The following SLC44A1 variants were observed in gnomAD, a reference collection of about 807,000 sequenced individuals.
SLC44A1 encodes the protein choline transporter-like protein 1.
SLC44A1 carries 26 observed loss-of-function variants against 79.3 expected under a neutral mutation model. That is an observed-to-expected ratio of 0.33 (90% confidence interval 0.24 to 0.46). SLC44A1 has a LOEUF of 0.46. SLC44A1 is among the 20% of genes least tolerant of loss of function. SLC44A1 has a pLI of 1.00. For missense variants in SLC44A1, 688 were observed against 798.1 expected (o/e 0.86, Z 1.66); for synonymous variants, 263 against 286.2 (o/e 0.92, Z 0.82).
At chr9:105,346,140 C>T (rs934125979) in intron 4 of SLC44A1, among the ~76,000 whole-genome samples, 2 of 152,084 alleles carry the variant, frequency 1.3e-5, no homozygotes, top group East Asian at 1.9e-4. Context: ...TTCATCAACC[C>T]TTTGAGCAGG....
chr9:105,276,438 C>T (rs1830202832), intron 1 of SLC44A1, among the ~76,000 whole-genome samples: 1 of 151,956 alleles, frequency 6.6e-6, no homozygotes, highest in African/African-American at 2.4e-5. Context: ...GGGGATACAG[C>T]AAAGAACACC....
intron 3 of SLC44A1, among the ~76,000 whole-genome samples, chr9:105,315,712 T>A (rs1485246817): frequency 6.6e-6 from 1 of 152,208 alleles, no homozygotes; most frequent in East Asian, 1.9e-4. Context: ...TTACTGAATC[T>A]TATCGACTGT....
At chr9:105,245,577 G>A (rs1829419997) in intron 1 of SLC44A1, among the ~76,000 whole-genome samples, 2 of 152,212 alleles carry the variant, frequency 1.3e-5, no homozygotes, top group Admixed American at 1.3e-4. Flanking sequence ...GGAGGCCCCT[G>A]CGGGAGCGCC....
In SLC44A1 at chr9:105,396,607, G is replaced by C. The variant is rs1828879819; in HGVS notation, c.*7551G>C. ...AGTGTCAAGCCCAGCCCAGCATATG[G>C]GGTGATATGAGCAGAAAACACACAT... On this transcript the variant is annotated 3_prime_UTR_variant, in exon 16 of 16. Transcript: ENST00000374720. The C allele has an allele frequency of 1.0e-6, 1 of 985,428 alleles. No individual in the cohort carries two copies. Among genetic ancestry groups the C allele is most frequent in the East Asian group, 1.1e-4 (1 of 8,806 alleles). The allele number at this position is 985,428 out of a possible 1,614,324, so 61.0% of individuals were successfully genotyped here. A position where few individuals can be genotyped will look rare whatever the true frequency, so the allele number is the denominator to read the frequency against.
intron 13 of SLC44A1, among the ~76,000 whole-genome samples, chr9:105,376,821 T>C (rs530779277): frequency 6.6e-6 from 1 of 152,344 alleles, no homozygotes; most frequent in African/African-American, 2.4e-5. Context: ...AAGTGTTACA[T>C]TTGGTCCTCC....
At chr9:105,360,204 A>T (rs1279727944) in intron 7 of SLC44A1, among the ~76,000 whole-genome samples, 1 of 152,166 alleles carries the variant, frequency 6.6e-6, no homozygotes, top group Non-Finnish European at 1.5e-5. Flanking sequence ...TTCCTTAGAT[A>T]GTGTCATAGA....
At chr9:105,410,858 A>G (rs546091474) in intron 15 of SLC44A1, among the ~76,000 whole-genome samples, 1 of 152,248 alleles carries the variant, frequency 6.6e-6, no homozygotes, top group Non-Finnish European at 1.5e-5. Context: ...AGCTGTAAAA[A>G]GAAATGAGGT....
chr9:105,258,749 G>A (rs327996), intron 1 of SLC44A1, among the ~76,000 whole-genome samples: 19,924 of 152,082 alleles, frequency 0.13, 1,664 homozygotes, highest in African/African-American at 0.23. Flanking sequence ...GTGCAGCGGC[G>A]CAGTCTTGGC....
chr9:105,387,466 G>A (rs531572661), intron 15 of SLC44A1, among the ~76,000 whole-genome samples: 23 of 152,126 alleles, frequency 1.5e-4, no homozygotes, highest in African/African-American at 5.5e-4. Context: ...TTTCACAAAA[G>A]CTGAGGAGGG....
At chr9:105,363,789 C>G (rs79144680) in intron 9 of SLC44A1, among the ~76,000 whole-genome samples, 3,745 of 152,290 alleles carry the variant, frequency 0.025, 53 homozygotes, top group Middle Eastern at 0.048. Context: ...TTTAGAACAT[C>G]CTAGCAATGT....
chr9:105,314,198 G>A (rs1174617380), intron 3 of SLC44A1, among the ~76,000 whole-genome samples: 1 of 152,154 alleles, frequency 6.6e-6, no homozygotes, highest in Non-Finnish European at 1.5e-5. Flanking sequence ...TGGGACAAAA[G>A]GTCTAGCTTT....
intron 2 of SLC44A1, among the ~76,000 whole-genome samples, chr9:105,304,944 G>GTTTTTTTTTTT (rs10589897): frequency 1.0e-4 from 2 of 20,086 alleles, no homozygotes; most frequent in Non-Finnish European, 2.2e-4. Context: ...ACTTTCTATC[G>GTTTTTTTTTTT]TTTTTTTTTT....
intron 2 of SLC44A1, among the ~76,000 whole-genome samples, chr9:105,308,684 T>C (rs1269685347): frequency 1.3e-5 from 2 of 152,222 alleles, no homozygotes; most frequent in African/African-American, 4.8e-5. Flanking sequence ...CAGGGCTATT[T>C]ACATAAGTAC....
At chr9:105,399,937 T>A (rs577540967), downstream of SLC44A1, among the ~76,000 whole-genome samples, 5 of 152,336 alleles carry the variant, frequency 3.3e-5, no homozygotes, top group East Asian at 9.7e-4. Context: ...GGCTCATGCC[T>A]GTAATCCCAG....
intron 4 of SLC44A1, among the ~76,000 whole-genome samples, chr9:105,347,177 T>C (rs1011855602): frequency 2.6e-5 from 4 of 152,114 alleles, no homozygotes; most frequent in Admixed American, 6.6e-5. Context: ...GCCTTTTCCA[T>C]AATTAACTCA....
rs947839671 is a variant in SLC44A1, at chr9:105,392,711, A to G, written c.*3655A>G. The G allele has an allele frequency of 1.3e-5, 13 of 985,260 alleles. No individual in the cohort carries two copies. The highest frequency in any genetic ancestry group is 1.6e-5 in the Non-Finnish European group (13 of 829,924). 61.0% of individuals were successfully genotyped at this position (985,260 alleles called of 1,614,324 possible). On this transcript the variant is annotated 3_prime_UTR_variant, in exon 16 of 16. Coordinates refer to ENST00000374720, the MANE Select transcript of SLC44A1 (RefSeq NM_080546.5). ...ACTATTTCCACCATGCACTATTACTAGCTACTAACAGCCATTTTAAGAGAT... is the reference window on the plus strand; with the variant it reads ...ACTATTTCCACCATGCACTATTACTGGCTACTAACAGCCATTTTAAGAGAT...
At chr9:105,327,349 C>T (rs912660105) in intron 3 of SLC44A1, among the ~76,000 whole-genome samples, 14 of 152,132 alleles carry the variant, frequency 9.2e-5, no homozygotes, top group Non-Finnish European at 1.9e-4. Context: ...GTGGTGCAAT[C>T]TCAACTCACT....
chr9:105,266,746 T>A (rs1239348626), intron 1 of SLC44A1, among the ~76,000 whole-genome samples: 2 of 152,238 alleles, frequency 1.3e-5, no homozygotes, highest in Non-Finnish European at 2.9e-5. Flanking sequence ...TGTGAGTCCT[T>A]TAACTTTTTG....
In SLC44A1 at chr9:105,385,553, C is replaced by A. The variant is rs367550871; in HGVS notation, c.1950+51C>A. ...CCCTCCAAGAATTTCACTTTCACTT[C>A]CTCTCTCTCTCTGTCTTCACTGACT... On this transcript the variant is annotated intron_variant, in intron 15 of 15. Coordinates refer to ENST00000374720, the MANE Select transcript of SLC44A1 (RefSeq NM_080546.5). 76 of 1,546,282 alleles carry A rather than the reference C, an allele frequency of 4.9e-5. No homozygotes were observed. The African/African-American group carries it at 9.2e-4, about 19-fold the overall frequency.
Sources: allele counts gnomAD v4.1 joint callset (sites outside exome capture counted in the v4.1 genomes callset), GRCh38; gene constraint gnomAD v4.1.1; transcripts MANE v1.5; gene names NCBI Gene and HGNC (gene_info 2026-07-23, HGNC 2026-07-21).